Variants in CEP85L observed in about 807,000 individuals in gnomAD.
CEP85L encodes centrosomal protein of 85 kDa-like.
In CEP85L, 60 loss-of-function variants were observed where a neutral mutation model predicts 100.3. That is an observed-to-expected ratio of 0.60 (90% CI 0.49 to 0.74). CEP85L has a LOEUF of 0.74. Among genes scored for constraint, CEP85L ranks in the 30% least tolerant of loss-of-function variants. The pLI, the probability that CEP85L is intolerant of heterozygous loss-of-function variation, is 0.00. For missense variants in CEP85L, 973 were observed against 936.2 expected (o/e 1.04, Z -0.51); for synonymous variants, 319 against 322.7 (o/e 0.99, Z 0.12).
At chr6:118,484,986 T>G (rs999951905) in intron 6 of CEP85L, among the ~76,000 whole-genome samples, 2 of 152,216 alleles carry the variant, frequency 1.3e-5, no homozygotes, top group African/African-American at 4.8e-5. Context: ...TGATGTCATT[T>G]TAGGATTGAT....
intron 10 of CEP85L, among the ~76,000 whole-genome samples, chr6:118,473,356 AG>A (rs914175593): frequency 1.3e-5 from 2 of 152,180 alleles, no homozygotes; most frequent in African/African-American, 4.8e-5. Flanking sequence ...AAGGGCCTGA[AG>A]GAAGTGAGAG....
chr6:118,538,303 A>G (rs1056347726), intron 3 of CEP85L, among the ~76,000 whole-genome samples: 77 of 152,054 alleles, frequency 5.1e-4, no homozygotes, highest in African/African-American at 1.8e-3. Flanking sequence ...AAGCTTTTTG[A>G]CATCCTAATA....
chr6:118,480,587 A>G, intron 8 of CEP85L, 74 bp from the exon 9 acceptor site: 2 of 911,622 alleles, frequency 2.2e-6, no homozygotes, highest in Non-Finnish European at 1.7e-6. Flanking sequence ...AACATAAATG[A>G]TTATTGCTTT....
chr6:118,504,982 A>AATTG (rs1198368093), intron 5 of CEP85L, among the ~76,000 whole-genome samples: 10 of 152,062 alleles, frequency 6.6e-5, no homozygotes, highest in Non-Finnish European at 7.4e-5. Context: ...CAGCGGCTTT[A>AATTG]CTCATAATTG....
intron 5 of CEP85L, among the ~76,000 whole-genome samples, chr6:118,497,937 T>TG (rs1271704900): frequency 6.6e-6 from 1 of 152,224 alleles, no homozygotes; most frequent in African/African-American, 2.4e-5. Flanking sequence ...TGCATGTATG[T>TG]ATACATATGC....
At chr6:118,549,447 T>C (rs1356778693) in intron 3 of CEP85L, among the ~76,000 whole-genome samples, 1 of 151,836 alleles carries the variant, frequency 6.6e-6, no homozygotes, top group African/African-American at 2.4e-5. Flanking sequence ...AAATTACATA[T>C]ATTTTATTTA....
intron 2 of CEP85L, among the ~76,000 whole-genome samples, chr6:118,590,234 T>C (rs1781108416): frequency 6.6e-6 from 1 of 152,032 alleles, no homozygotes; most frequent in Admixed American, 6.6e-5. Context: ...TAATAAACAT[T>C]TACAAACTTA....
chr6:118,694,725 A>G (rs1237447117), intron 1 of CEP85L, among the ~76,000 whole-genome samples: 1 of 152,200 alleles, frequency 6.6e-6, no homozygotes, highest in African/African-American at 2.4e-5. Context: ...TGCCTTGGAG[A>G]GTCAATGAAA....
intron 3 of CEP85L, among the ~76,000 whole-genome samples, chr6:118,526,892 C>T (rs190718141): frequency 3.7e-4 from 56 of 152,200 alleles, no homozygotes; most frequent in Non-Finnish European, 6.0e-4. Context: ...CATGAATAAT[C>T]CACCTCTTGT....
In CEP85L at chr6:118,469,874, T is replaced by G. The variant is rs190330262; in HGVS notation, c.2023-571A>C. 2.6e-5 allele frequency among the ~76,000 whole-genome samples: 4 copies of G among 152,282 alleles called. No homozygotes were observed. The East Asian group carries it at 7.7e-4, about 29-fold the overall frequency. On this transcript the variant is annotated intron_variant, in intron 11 of 12. Coordinates refer to ENST00000368491, the MANE Select transcript of CEP85L (RefSeq NM_001042475.3). ...ACCTCAGGTTCCCAAAACAAAGTATTAGGATTACAGGTGTGAGCCACCATA... is the reference window on the plus strand; with the variant it reads ...ACCTCAGGTTCCCAAAACAAAGTATGAGGATTACAGGTGTGAGCCACCATA...
intron 3 of CEP85L, among the ~76,000 whole-genome samples, chr6:118,527,110 G>A (rs1777020981): frequency 6.6e-6 from 1 of 150,542 alleles, no homozygotes; most frequent in African/African-American, 2.5e-5. Flanking sequence ...TGCCTCCTGG[G>A]TTCAAGCGAT....
At chr6:118,549,352 A>G (rs1390691906) in intron 3 of CEP85L, among the ~76,000 whole-genome samples, 1 of 151,898 alleles carries the variant, frequency 6.6e-6, no homozygotes, top group African/African-American at 2.4e-5. Context: ...TTCTGTTTGA[A>G]TTCTACCCTA....
At chr6:118,702,125 T>C (rs2114364238) in intron 1 of CEP85L, among the ~76,000 whole-genome samples, 1 of 152,288 alleles carries the variant, frequency 6.6e-6, no homozygotes, top group Non-Finnish European at 1.5e-5. Context: ...TTTTACTTTA[T>C]GGTGGAAATT....
At chr6:118,622,130 T>C (rs1303231599) in intron 2 of CEP85L, among the ~76,000 whole-genome samples, 1 of 152,216 alleles carries the variant, frequency 6.6e-6, no homozygotes, top group Non-Finnish European at 1.5e-5. Flanking sequence ...CTGGCCTCAC[T>C]GTTTATGGGT....
At chr6:118,554,150 T>C (rs566762751) in intron 3 of CEP85L, among the ~76,000 whole-genome samples, 10 of 151,982 alleles carry the variant, frequency 6.6e-5, no homozygotes, top group Admixed American at 2.0e-4. Context: ...TAGCCAGGCA[T>C]GGTGGCGCAC....
chr6:118,594,080 C>G (rs968522268), intron 2 of CEP85L, among the ~76,000 whole-genome samples: 7 of 152,120 alleles, frequency 4.6e-5, no homozygotes, highest in South Asian at 2.1e-4. Flanking sequence ...CGTAACGCTC[C>G]TAACTATTTA....
intron 3 of CEP85L, chr6:118,558,789 G>A: frequency 1.4e-6 from 1 of 715,912 alleles, no homozygotes; most frequent in Admixed American, 2.1e-5. Context: ...AGGTTACATA[G>A]ATGATTCTAA....
chr6:118,556,918 T>C (rs1778913059), intron 3 of CEP85L, among the ~76,000 whole-genome samples: 1 of 152,152 alleles, frequency 6.6e-6, no homozygotes. Context: ...ACATGTAAAT[T>C]CTTATTTTAT....
intron 2 of CEP85L, among the ~76,000 whole-genome samples, chr6:118,575,015 A>C (rs1263350387): frequency 6.6e-6 from 1 of 152,156 alleles, no homozygotes; most frequent in Non-Finnish European, 1.5e-5. Context: ...GAAAAGGTGC[A>C]AGAAATCTCT....
Sources: allele counts gnomAD v4.1 joint callset (sites outside exome capture counted in the v4.1 genomes callset), GRCh38; gene constraint gnomAD v4.1.1; transcripts MANE v1.5; gene names NCBI Gene and HGNC (gene_info 2026-07-23, HGNC 2026-07-21).